Variants in ITIH4 observed in about 807,000 individuals in gnomAD.
The protein encoded by ITIH4 is inter-alpha-trypsin inhibitor heavy chain 4, also known as inter-alpha-trypsin inhibitor heavy chain H4.
Under a neutral mutation model 111.8 loss-of-function variants are expected in ITIH4, and 79 were observed. The observed-to-expected ratio is 0.71, with a 90% CI of 0.59 to 0.85. ITIH4 has a LOEUF of 0.85. Ranked by LOEUF, ITIH4 falls within the 40% of genes least tolerant of loss-of-function variation. ITIH4 has a pLI of 0.00. For missense variants in ITIH4, 1,065 were observed against 1,195.8 expected, an observed-to-expected ratio of 0.89 and a Z score of 1.61; for synonymous variants, 472 against 468.3, an observed-to-expected ratio of 1.01 and a Z score of -0.10.
chr3:52,816,150 G>A (rs1361185495), intron 21 of ITIH4, among the ~76,000 whole-genome samples: 2 of 152,190 alleles, frequency 1.3e-5, no homozygotes, highest in Admixed American at 1.3e-4. Flanking sequence ...CAGGGTGGGG[G>A]CTTGGAGGTC....
rs368376301 is a variant in ITIH4, at chr3:52,814,239, G to A, written c.2596C>T (p.Arg866Cys). Residue 866 changes from arginine to cysteine, a missense_variant, in exon 22 of 24, where the codon CGC (arginine) becomes TGC (cysteine). Physicochemically the swap from Arg to Cys is radical, Grantham distance 180. Coordinates refer to ENST00000266041, the MANE Select transcript of ITIH4 (RefSeq NM_002218.5). The stretch of plus-strand genomic sequence containing the variant: ...GTCCCTCCAACGTGGCTGGAGAAGC[G>A]GTCAGTGTCACGCAGAAGGAGCCGG... ...GLRLLLRDTD[R>C]FSSHVGGTLG... The A allele has an allele frequency of 9.3e-5, 150 of 1,613,488 alleles. No homozygotes were observed. Among genetic ancestry groups the A allele is most frequent in the Non-Finnish European group, 1.2e-4 (138 of 1,179,980 alleles).
chr3:52,827,999 C>T (rs1427066525), intron 2 of ITIH4, among the ~76,000 whole-genome samples: 10 of 152,190 alleles, frequency 6.6e-5, no homozygotes, highest in African/African-American at 2.2e-4. Context: ...GTCCCTCCTG[C>T]CTGACCTTCC....
At chr3:52,822,978 A>C (rs767268349) in intron 11 of ITIH4, among the ~76,000 whole-genome samples, 2 of 151,998 alleles carry the variant, frequency 1.3e-5, no homozygotes, top group Non-Finnish European at 2.9e-5. Flanking sequence ...TTGTGTGGTG[A>C]TATGTCCTTG....
chr3:52,823,658 CTGAG>C lies in ITIH4; in HGVS notation c.1433_1436del (p.Thr478ArgfsTer73). On this transcript the variant is annotated frameshift_variant, in exon 11 of 24. Transcript: ENST00000266041. LOFTEE classifies it high-confidence loss of function. ...CCTTGAAGAGGAGCCGGAAGTTGTT[CTGAG>C]TGACCTCCTCCACGGCATTGCTTGG... 1 of 1,614,202 alleles carries C rather than the reference CTGAG, an allele frequency of 6.2e-7. No individual in the cohort carries two copies. Among genetic ancestry groups the C allele is most frequent in the Non-Finnish European group, 8.5e-7 (1 of 1,180,028 alleles).
rs1700474343 is a variant in ITIH4 at position 52,825,995 on chromosome 3, G to A, written c.650C>T (p.Pro217Leu). The A allele has an allele frequency of 6.2e-7, 1 of 1,614,016 alleles. No homozygotes were observed. Among genetic ancestry groups the A allele is most frequent in the Non-Finnish European group, 8.5e-7 (1 of 1,179,996 alleles). The change falls in exon 6 of 24, where the codon CCA becomes CTA. Residue 217 changes from proline (P) to leucine (L), a missense_variant. By Grantham distance (98) the Pro-to-Leu change is moderately conservative. Coordinates refer to ENST00000266041, the MANE Select transcript of ITIH4 (RefSeq NM_002218.5). ...GGACTTTTGCTGCTGGGAAAGTGTTGGCTTGAACCGGATGTGAGCCTGGAG... is the reference window on the plus strand; with the variant it reads ...GGACTTTTGCTGCTGGGAAAGTGTTAGCTTGAACCGGATGTGAGCCTGGAG... ...NKTKAHIRFK[P>L]TLSQQQKSPE...
Position 52,826,641 on chromosome 3 carries a change from T to C in ITIH4, c.530A>G (p.His177Arg). 1 of 1,613,788 alleles carries C rather than the reference T, an allele frequency of 6.2e-7. No individual in the cohort carries two copies. The highest frequency in any genetic ancestry group is 8.5e-7 in the Non-Finnish European group (1 of 1,179,860). The change falls in exon 5 of 24, where the codon CAC (histidine) becomes CGC (arginine). Residue 177 changes from histidine (H) to arginine (R), a missense_variant. His to Arg is a conservative substitution (Grantham distance 29). Coordinates refer to ENST00000266041, the MANE Select transcript of ITIH4 (RefSeq NM_002218.5). ...GCTGATGCCCTGGGGCTCGAAGATG[T>C]GAATGTCCATCTGGAGGCAAGATGT... ...QLVKHLQMDI[H>R]IFEPQGISFL...
rs761970932 is a variant in ITIH4 at position 52,829,204 on chromosome 3, G to A, written c.166C>T (p.Arg56Ter). 5.0e-6 allele frequency: 8 copies of A among 1,613,724 alleles called. No homozygotes were observed. The highest frequency in any genetic ancestry group is 1.3e-5 in the African/African-American group (1 of 74,910). ...ACAGTATTGGCCCTATTGACCACTCGGCTGGTGACGACCGTGTGGGCAAAT... is the reference window on the plus strand; with the variant it reads ...ACAGTATTGGCCCTATTGACCACTCAGCTGGTGACGACCGTGTGGGCAAAT... ...SRFAHTVVTSRVVNRANTVQE... is the reference protein window; with the variant it reads ...SRFAHTVVTS The change falls in exon 2 of 24, where the codon CGA (arginine) becomes TGA (stop). Residue 56 changes from arginine to a stop codon, truncating the protein, a stop_gained. Coordinates refer to ENST00000266041, the MANE Select transcript of ITIH4 (RefSeq NM_002218.5). LOFTEE classifies it high-confidence loss of function.
chr3:52,826,473 C>T lies in ITIH4; in HGVS notation c.630+68G>A, dbSNP rs138617324. 18,478 of 1,179,818 alleles carry T rather than the reference C, an allele frequency of 0.016. 2,071 individuals carry two copies. In the South Asian group the frequency reaches 0.21, roughly 13 times the overall value. The allele number at this position is 1,179,818 out of a possible 1,614,324, so 73.1% of individuals were successfully genotyped here. On this transcript the variant is annotated intron_variant, in intron 5 of 23. Coordinates refer to ENST00000266041, the MANE Select transcript of ITIH4 (RefSeq NM_002218.5). Reference sequence around the variant, plus strand: ...GAGCCCATCCTGCTTTCCAGAAATCCGGGCTCATAGGGCTGGCCTGAAGGC... The same window carrying T: ...GAGCCCATCCTGCTTTCCAGAAATCTGGGCTCATAGGGCTGGCCTGAAGGC...
Position 52,823,644 on chromosome 3 carries a change from A to G in ITIH4, c.1451T>C (p.Leu484Pro). Residue 484 changes from leucine (L) to proline (P), a missense_variant, in exon 11 of 24, where the codon CTC becomes CCC. Coordinates refer to ENST00000266041, the MANE Select transcript of ITIH4 (RefSeq NM_002218.5). ...VEEVTQNNFR[L>P]LFKGSEMVVA... ...CACCATCTCTGAGCCCTTGAAGAGGAGCCGGAAGTTGTTCTGAGTGACCTC... is the reference window on the plus strand; with the variant it reads ...CACCATCTCTGAGCCCTTGAAGAGGGGCCGGAAGTTGTTCTGAGTGACCTC... The G allele has an allele frequency of 6.2e-7, 1 of 1,614,140 alleles. No homozygotes were observed. The highest frequency in any genetic ancestry group is 8.5e-7 in the Non-Finnish European group (1 of 1,180,012).
intron 2 of ITIH4, 107 bp from the exon 3 acceptor site, chr3:52,827,304 T>C: frequency 1.2e-6 from 1 of 868,940 alleles, no homozygotes; most frequent in Non-Finnish European, 1.9e-6. Context: ...CTTGACACAG[T>C]GACTCCCATC....
intron 11 of ITIH4, among the ~76,000 whole-genome samples, chr3:52,822,887 C>G (rs1052835488): frequency 2.6e-5 from 4 of 152,156 alleles, no homozygotes; most frequent in Admixed American, 2.6e-4. Flanking sequence ...CTCCAGGAAG[C>G]CCTCCCTGAT....
At chr3:52,815,231 G>GT (rs745725178) in intron 21 of ITIH4, among the ~76,000 whole-genome samples, 127 of 150,206 alleles carry the variant, frequency 8.5e-4, no homozygotes, top group South Asian at 5.5e-3. Context: ...AAATATGTGG[G>GT]TTTTTTTCTT....
intron 17 of ITIH4, 98 bp from the exon 18 acceptor site, chr3:52,818,634 C>A: frequency 3.2e-6 from 3 of 943,860 alleles, no homozygotes; most frequent in Admixed American, 2.0e-5. Flanking sequence ...CCCCATCCTG[C>A]CACACATACA....
rs751603357 is a variant in ITIH4, at chr3:52,813,463, C to A, written c.2751G>T (p.Gly917=). Residue 917 remains glycine, a synonymous_variant, in exon 24 of 24, where the codon GGG becomes GGT. Coordinates refer to ENST00000266041, the MANE Select transcript of ITIH4 (RefSeq NM_002218.5). ...AGCAGGAAATCTCCACTCCCGGGGG[C>A]CCCTCCTGGTAATCCAGCCTGCGCT... ...TRERRLDYQE[G]PPGVEISCWS... 26 of 1,613,938 alleles carry A rather than the reference C, an allele frequency of 1.6e-5. No homozygotes were observed. Among genetic ancestry groups the A allele is most frequent in the South Asian group, 2.2e-5 (2 of 91,084 alleles).
Position 52,820,673 on chromosome 3 carries a change from C to G in ITIH4, c.1792G>C (p.Asp598His). The change falls in exon 13 of 24, where the codon GAC (aspartate) becomes CAC (histidine). Residue 598 changes from aspartate to histidine, a missense_variant. Asp to His is a moderately conservative substitution (Grantham distance 81). Transcript: ENST00000266041. The stretch of plus-strand genomic sequence containing the variant: ...TCAGCAACTTGAGACTGCTCTTGGT[C>G]ATCGGGTTTGGTGACTACCATAGAT... ...LTSMVVTKPD[D>H]QEQSQVAEKP... The G allele has an allele frequency of 6.2e-7, 1 of 1,613,844 alleles. No homozygotes were observed. Among genetic ancestry groups the G allele is most frequent in the Non-Finnish European group, 8.5e-7 (1 of 1,179,824 alleles).
chr3:52,830,547 G>T lies in ITIH4; in HGVS notation c.90+6C>A. ...AGCTCACGCCACACCCATGGACACT[G>T]GCTACCTTTTCGGCAGTAGTAGTCT... On this transcript the variant is annotated splice_donor_region_variant and intron_variant, in intron 1 of 23. Transcript: ENST00000266041. The T allele has an allele frequency of 6.2e-7, 1 of 1,613,700 alleles. No individual in the cohort carries two copies. The highest frequency in any genetic ancestry group is 8.5e-7 in the Non-Finnish European group (1 of 1,179,592).
chr3:52,819,918 C>T (rs1215054668), intron 15 of ITIH4, 22 bp downstream of exon 15: 1 of 1,612,076 alleles, frequency 6.2e-7, no homozygotes, highest in Middle Eastern at 1.7e-4. Context: ...ATCTCCCCTC[C>T]CCCCACCTCC....
Position 52,823,913 on chromosome 3 carries a change from G to A in ITIH4, c.1263C>T (p.Val421=). Residue 421 remains valine (V), a synonymous_variant, in exon 10 of 24, where the codon GTC becomes GTT. Coordinates refer to ENST00000266041, the MANE Select transcript of ITIH4 (RefSeq NM_002218.5). ...SLFCLGFGFD[V]SYAFLEKLAL... The stretch of plus-strand genomic sequence containing the variant: ...CCAGCTTCTCCAGGAAGGCATAGCT[G>A]ACGTCGAAACCGAAGCCCAGGCAGA... The A allele has an allele frequency of 6.2e-7, 1 of 1,612,100 alleles. No homozygotes were observed. The highest frequency in any genetic ancestry group is 8.5e-7 in the Non-Finnish European group (1 of 1,179,282).
intron 12 of ITIH4, 31 bp downstream of exon 12, chr3:52,820,960 G>C (rs761835438): frequency 6.2e-7 from 1 of 1,606,746 alleles, no homozygotes; most frequent in East Asian, 2.2e-5. Context: ...GCCCCCTAGC[G>C]ACAGGCTTAG....
Sources: allele counts gnomAD v4.1 joint callset (sites outside exome capture counted in the v4.1 genomes callset), GRCh38; gene constraint gnomAD v4.1.1; transcripts MANE v1.5; gene names NCBI Gene and HGNC (gene_info 2026-07-23, HGNC 2026-07-21).